The following APBB2 variants were observed in gnomAD, a reference collection of about 807,000 sequenced individuals.
The protein encoded by APBB2 is Fe65-like 1.
A neutral mutation model predicts 82.5 loss-of-function variants in APBB2; 38 were observed. The observed-to-expected ratio is 0.46, with a 90% CI of 0.36 to 0.60. The LOEUF (loss-of-function observed/expected upper bound fraction) is 0.60, where lower values mean the gene tolerates loss of function less well. Ranked by LOEUF, APBB2 falls within the 20% of genes least tolerant of loss-of-function variation. APBB2 has a pLI of 0.00. For synonymous variants in APBB2, 341 were observed against 368.2 expected (o/e 0.93, Z 0.85); for missense variants, 772 against 972.3 (o/e 0.79, Z 2.74).
At chr4:40,843,830 A>C (rs900890993) in intron 12 of APBB2, among the ~76,000 whole-genome samples, 1 of 152,224 alleles carries the variant, frequency 6.6e-6, no homozygotes, top group African/African-American at 2.4e-5. Context: ...CAGAGAGGCT[A>C]AGACACTTGG....
chr4:40,963,285 T>C (rs1480874296), intron 6 of APBB2, among the ~76,000 whole-genome samples: 1 of 152,160 alleles, frequency 6.6e-6, no homozygotes, highest in African/African-American at 2.4e-5. Context: ...TGCTCTCTGT[T>C]GCCCAGGCCG....
intron 10 of APBB2, among the ~76,000 whole-genome samples, chr4:40,895,428 C>T (rs1025598695): frequency 6.6e-6 from 1 of 152,190 alleles, no homozygotes; most frequent in Non-Finnish European, 1.5e-5. Context: ...GGAACCAGCC[C>T]GATGGTGAAG....
chr4:41,172,584 A>G (rs1318615596), intron 1 of APBB2, among the ~76,000 whole-genome samples: 1 of 152,248 alleles, frequency 6.6e-6, no homozygotes, highest in East Asian at 1.9e-4. Context: ...AGTGTGGTTT[A>G]CAAACTCTCA....
Position 40,944,905 on chromosome 4 carries a change from GA to G in APBB2, c.1003del (p.Ser335HisfsTer5). ...PADLQGSRKG[S>X]LSSVTPSPTP... ...GGGAGATGGCGTTACAGAACTAAGT[GA>G]CCCTTTCCTAGAACCCTGGAGATCT... On this transcript the variant is annotated frameshift_variant, in exon 7 of 18. Coordinates refer to ENST00000508593, the MANE Select transcript of APBB2 (RefSeq NM_004307.2). LOFTEE classifies it high-confidence loss of function. The G allele has an allele frequency of 6.2e-7, 1 of 1,613,448 alleles. No individual in the cohort carries two copies. Among genetic ancestry groups the G allele is most frequent in the Non-Finnish European group, 8.5e-7 (1 of 1,180,000 alleles).
chr4:40,879,195 G>A (rs894564432), intron 12 of APBB2, among the ~76,000 whole-genome samples: 1 of 151,582 alleles, frequency 6.6e-6, no homozygotes, highest in Non-Finnish European at 1.5e-5. Context: ...GTGTGCAGGA[G>A]GAGACTAGAA....
chr4:41,201,768 T>C (rs1776754937), intron 1 of APBB2, among the ~76,000 whole-genome samples: 1 of 152,172 alleles, frequency 6.6e-6, no homozygotes, highest in African/African-American at 2.4e-5. Context: ...CTCAGCAGGG[T>C]AAATGGGAAA....
Position 40,812,662 on chromosome 4 carries a change from CCATA to C in APBB2, c.*3426_*3429del, listed in dbSNP as rs1367398787. ...TTGCAATGCCTGGGACATGAACGGGCCATACAAACAGAGGAAAGCTCTGGGGCTT... is the reference window on the plus strand; with the variant it reads ...TTGCAATGCCTGGGACATGAACGGGCCAAACAGAGGAAAGCTCTGGGGCTT... On this transcript the variant is annotated 3_prime_UTR_variant, in exon 18 of 18. Transcript: ENST00000508593. The C allele has an allele frequency of 6.6e-6, 1 of 152,158 alleles. No individual in the cohort carries two copies. The highest frequency in any genetic ancestry group is 2.4e-5 in the African/African-American group (1 of 41,434). 9.4% of individuals were successfully genotyped at this position (152,158 alleles called of 1,614,324 possible).
intron 5 of APBB2, among the ~76,000 whole-genome samples, chr4:41,029,410 G>C (rs6832453): frequency 0.84 from 128,203 of 152,140 alleles, 54,053 homozygotes; most frequent in East Asian, 0.89. Context: ...AGGGAGATGG[G>C]AGGATTTGAA....
chr4:40,850,951 A>G (rs1449029335), intron 12 of APBB2, among the ~76,000 whole-genome samples: 1 of 152,184 alleles, frequency 6.6e-6, no homozygotes, highest in African/African-American at 2.4e-5. Flanking sequence ...GTCTCAAAAA[A>G]AAAATTTTTT....
intron 1 of APBB2, among the ~76,000 whole-genome samples, chr4:41,146,186 C>T (rs1183857542): frequency 6.6e-6 from 1 of 152,046 alleles, no homozygotes; most frequent in Non-Finnish European, 1.5e-5. Context: ...ATTAGCAAGG[C>T]ATGGTGGCAC....
Position 40,935,127 on chromosome 4 carries a change from T to G in APBB2, c.1057A>C (p.Ser353Arg). 1 of 1,532,852 alleles carries G rather than the reference T, an allele frequency of 6.5e-7. No individual in the cohort carries two copies. Among genetic ancestry groups the G allele is most frequent in the Non-Finnish European group, 8.7e-7 (1 of 1,143,926 alleles). 95.0% of individuals were successfully genotyped at this position (1,532,852 alleles called of 1,614,324 possible). The change falls in exon 8 of 18, where the codon AGT becomes CGT. Residue 353 changes from serine (S) to arginine (R), a missense_variant. Physicochemically the swap from Ser to Arg is moderately radical, Grantham distance 110. Transcript: ENST00000508593. ...PTPENEKQPW[S>R]DFAVLNGGKI... is the part of the protein sequence containing the mutation. ...CCCCCATTCAGAACAGCAAAATCAC[T>G]CCATGGCTGTTTCTAGACATATAAT...
At chr4:40,965,324 A>G (rs1451540190) in intron 6 of APBB2, among the ~76,000 whole-genome samples, 1 of 152,202 alleles carries the variant, frequency 6.6e-6, no homozygotes. Context: ...GCATTTTTAG[A>G]TTTATATATT....
intron 12 of APBB2, among the ~76,000 whole-genome samples, chr4:40,867,137 C>G (rs749678455): frequency 6.6e-6 from 1 of 152,144 alleles, no homozygotes; most frequent in Non-Finnish European, 1.5e-5. Flanking sequence ...TGGAACACAG[C>G]CATGCACATT....
intron 1 of APBB2, among the ~76,000 whole-genome samples, chr4:41,207,244 T>C (rs1473672011): frequency 6.6e-6 from 1 of 150,888 alleles, no homozygotes; most frequent in East Asian, 1.9e-4. Flanking sequence ...TTTGTTGTTA[T>C]TGTTTTGACA....
chr4:41,192,638 G>A (rs554518262), intron 1 of APBB2, among the ~76,000 whole-genome samples: 12 of 152,246 alleles, frequency 7.9e-5, no homozygotes, highest in African/African-American at 2.9e-4. Flanking sequence ...GGAATGGAAT[G>A]GGGGAGGTGG....
intron 3 of APBB2, among the ~76,000 whole-genome samples, chr4:41,096,423 C>A (rs942396653): frequency 2.6e-5 from 4 of 152,142 alleles, no homozygotes; most frequent in South Asian, 4.1e-4. Flanking sequence ...CAGAGTCACT[C>A]TAAGGGCAAA....
chr4:41,111,299 A>G (rs999394089), intron 2 of APBB2, among the ~76,000 whole-genome samples: 4 of 152,240 alleles, frequency 2.6e-5, no homozygotes, highest in African/African-American at 9.6e-5. Context: ...TGGGGACCCC[A>G]TTTGCAGAAG....
chr4:40,942,637 GC>G (rs1367298867), intron 7 of APBB2, among the ~76,000 whole-genome samples: 3 of 152,140 alleles, frequency 2.0e-5, no homozygotes, highest in Admixed American at 2.0e-4. Flanking sequence ...AGGCCGAGCA[GC>G]GGGGCTGTTG....
chr4:40,957,130 C>T (rs553771359), intron 6 of APBB2, among the ~76,000 whole-genome samples: 3 of 152,250 alleles, frequency 2.0e-5, no homozygotes, highest in South Asian at 2.1e-4. Flanking sequence ...GGAACAAAGG[C>T]GGCGCAAAGC....
Sources: allele counts gnomAD v4.1 joint callset (sites outside exome capture counted in the v4.1 genomes callset), GRCh38; gene constraint gnomAD v4.1.1; transcripts MANE v1.5; gene names NCBI Gene and HGNC (gene_info 2026-07-23, HGNC 2026-07-21).